Variants in CDKAL1 observed in about 807,000 individuals in gnomAD.
CDKAL1 encodes threonylcarbamoyladenosine tRNA methylthiotransferase.
A neutral mutation model predicts 68.2 loss-of-function variants in CDKAL1; 32 were observed. The observed-to-expected ratio is 0.47, with a 90% CI of 0.35 to 0.63. CDKAL1 has a LOEUF of 0.63. Among genes scored for constraint, CDKAL1 ranks in the 30% least tolerant of loss-of-function variants. The probability of loss-of-function intolerance (pLI) is 0.00; values close to 1 mark genes in which losing one functional copy is unlikely to be tolerated. For synonymous variants in CDKAL1, 234 were observed against 244.3 expected (o/e 0.96, Z 0.39); for missense variants, 606 against 696.7 (o/e 0.87, Z 1.47).
intron 4 of CDKAL1, among the ~76,000 whole-genome samples, chr6:20,632,722 A>G (rs984809678): frequency 2.0e-5 from 3 of 152,180 alleles, no homozygotes; most frequent in Non-Finnish European, 2.9e-5. Flanking sequence ...TCATTCTCCA[A>G]TAATAATAGC....
At chr6:21,181,128 T>C (rs1000759128) in intron 13 of CDKAL1, among the ~76,000 whole-genome samples, 4 of 152,158 alleles carry the variant, frequency 2.6e-5, no homozygotes, top group Non-Finnish European at 5.9e-5. Context: ...CACACTCACC[T>C]TTATAAAAAC....
intron 13 of CDKAL1, among the ~76,000 whole-genome samples, chr6:21,173,586 A>C (rs1157618244): frequency 6.6e-6 from 1 of 152,226 alleles, no homozygotes; most frequent in African/African-American, 2.4e-5. Flanking sequence ...AAAACTACTT[A>C]CTGATTACCT....
chr6:21,105,763 C>G (rs948473366), intron 12 of CDKAL1, among the ~76,000 whole-genome samples: 1 of 152,146 alleles, frequency 6.6e-6, no homozygotes, highest in Non-Finnish European at 1.5e-5. Flanking sequence ...AGAATAGAAA[C>G]AGAAGCAAGA....
At chr6:20,728,673 A>G (rs1236365357) in intron 5 of CDKAL1, among the ~76,000 whole-genome samples, 2 of 152,180 alleles carry the variant, frequency 1.3e-5, no homozygotes, top group Non-Finnish European at 2.9e-5. Context: ...TTCCTCTTTC[A>G]TAAAACGAAA....
chr6:21,212,806 C>T (rs1779202361), intron 15 of CDKAL1, among the ~76,000 whole-genome samples: 1 of 152,070 alleles, frequency 6.6e-6, no homozygotes, highest in Non-Finnish European at 1.5e-5. Flanking sequence ...AACAAATTTT[C>T]TCCTGTCCCT....
At chr6:20,587,805 A>C (rs1190394344) in intron 4 of CDKAL1, among the ~76,000 whole-genome samples, 1 of 141,268 alleles carries the variant, frequency 7.1e-6, no homozygotes, top group Non-Finnish European at 1.5e-5. Context: ...ACCAAAAAAA[A>C]CCCCCAGAAG....
chr6:20,801,211 G>A (rs1310280242), intron 8 of CDKAL1, among the ~76,000 whole-genome samples: 1 of 152,116 alleles, frequency 6.6e-6, no homozygotes, highest in Non-Finnish European at 1.5e-5. Context: ...GGCATGAGCC[G>A]CCATTCCTGG....
chr6:20,572,796 G>GA (rs77754079), intron 4 of CDKAL1, among the ~76,000 whole-genome samples: 2,046 of 149,414 alleles, frequency 0.014, 34 homozygotes, highest in African/African-American at 0.042. Flanking sequence ...TTTTTAGATG[G>GA]AAAAAAAAAA....
At chr6:20,907,772 C>A (rs960164775) in intron 9 of CDKAL1, among the ~76,000 whole-genome samples, 14 of 152,092 alleles carry the variant, frequency 9.2e-5, no homozygotes, top group African/African-American at 3.1e-4. Context: ...AGCCCACCAC[C>A]CGAGGTGGAT....
At chr6:20,839,369 C>T (rs1425946605) in intron 8 of CDKAL1, among the ~76,000 whole-genome samples, 1 of 152,112 alleles carries the variant, frequency 6.6e-6, no homozygotes, top group African/African-American at 2.4e-5. Context: ...AATGATAGTA[C>T]AAGATAGTTT....
At chr6:20,846,261 C>T (rs1015998886) in intron 9 of CDKAL1, 83 bp downstream of exon 9, 15 of 753,004 alleles carry the variant, frequency 2.0e-5, no homozygotes, top group Non-Finnish European at 3.2e-5. Flanking sequence ...AGTTTAGAGA[C>T]CAACTTCTTT....
chr6:21,072,424 ACTAGCTAGTTAGC>A (rs1205106868), intron 12 of CDKAL1, among the ~76,000 whole-genome samples: 1 of 152,090 alleles, frequency 6.6e-6, no homozygotes, highest in Admixed American at 6.5e-5. Flanking sequence ...TTGGTCTGAT[ACTAGCTAGTTAGC>A]CAGAAGCAGA....
intron 10 of CDKAL1, among the ~76,000 whole-genome samples, chr6:20,992,905 G>GA (rs57746939): frequency 0.81 from 116,268 of 144,074 alleles, 46,703 homozygotes; most frequent in East Asian, 0.88. Context: ...CTGTCTCAAA[G>GA]AAAAAAAAAA....
rs577929045 is a variant in CDKAL1, at chr6:20,971,145, G to A, written c.909+15560G>A. ...TACAGGCATGAGCCCACCATGCACG[G>A]CCTCTCTCCCTGTTAAAAACTGATA... On this transcript the variant is annotated intron_variant, in intron 10 of 15. Coordinates refer to ENST00000274695, the MANE Select transcript of CDKAL1 (RefSeq NM_017774.3). Among the ~76,000 whole-genome samples, 86 of 152,260 alleles carry A rather than the reference G, an allele frequency of 5.6e-4. 1 individual carries two copies. Among genetic ancestry groups the A allele is most frequent in the Non-Finnish European group, 7.6e-4 (52 of 68,014 alleles).
intron 10 of CDKAL1, among the ~76,000 whole-genome samples, chr6:20,981,648 T>A (rs1207093136): frequency 6.6e-6 from 1 of 152,208 alleles, no homozygotes; most frequent in African/African-American, 2.4e-5. Context: ...GAGACCAGCC[T>A]GGCCAACATG....
intron 2 of CDKAL1, among the ~76,000 whole-genome samples, chr6:20,540,458 C>G (rs1763346632): frequency 7.0e-6 from 1 of 142,414 alleles, no homozygotes. Context: ...TCGACTTTGA[C>G]TTTTTTTTTT....
At chr6:21,190,390 G>A (rs1008710127) in intron 13 of CDKAL1, among the ~76,000 whole-genome samples, 3 of 150,630 alleles carry the variant, frequency 2.0e-5, no homozygotes, top group Admixed American at 6.6e-5. Flanking sequence ...TTTTTGAGAC[G>A]GAGTCTCATT....
rs564692311 is a variant in CDKAL1, at chr6:20,923,940, G to A, written c.743-31479G>A. Among the ~76,000 whole-genome samples the A allele has an allele frequency of 2.3e-3, 356 of 151,758 alleles. 1 individual carries two copies. Among genetic ancestry groups the A allele is most frequent in the Non-Finnish European group, 3.4e-3 (231 of 67,930 alleles). ...AGTGGGAGGATTGCTTGAGTCCAAG[G>A]GGCGGAGGTTGCAGTGAGCTGAGAT... On this transcript the variant is annotated intron_variant, in intron 9 of 15. Coordinates refer to ENST00000274695, the MANE Select transcript of CDKAL1 (RefSeq NM_017774.3).
rs79120687 is a variant in CDKAL1, at chr6:20,747,315, T to C, written c.468+7700T>C. ...TGCATTGAACTTGAGAGCACAGATA[T>C]CTCTACAGAGTGCTGATTTCATTTC... is the stretch of plus-strand genomic sequence containing the variant. On this transcript the variant is annotated intron_variant, in intron 6 of 15. Coordinates refer to ENST00000274695, the MANE Select transcript of CDKAL1 (RefSeq NM_017774.3). Among the ~76,000 whole-genome samples the C allele has an allele frequency of 7.9e-3, 1,196 of 152,346 alleles. 22 individuals carry two copies. The highest frequency in any genetic ancestry group is 0.027 in the African/African-American group (1,117 of 41,578).
Sources: gnomAD v4.1 joint callset for allele counts (sites outside exome capture counted in the v4.1 genomes callset) on GRCh38, gnomAD v4.1.1 for gene constraint, MANE v1.5 for transcripts, NCBI Gene and HGNC (gene_info 2026-07-23, HGNC 2026-07-21) for gene names.